Variants in EYS observed in about 807,000 individuals in gnomAD.
EYS encodes EGF-like photoreceptor maintenance factor.
Under a neutral mutation model 282.1 loss-of-function variants are expected in EYS, and 250 were observed. That is an observed-to-expected ratio of 0.89 (90% CI 0.80 to 0.98). The LOEUF (loss-of-function observed/expected upper bound fraction) is 0.98. Ranked by LOEUF, EYS falls within the 50% of genes least tolerant of loss-of-function variation. The pLI, the probability that EYS is intolerant of heterozygous loss-of-function variation, is 0.00. For synonymous variants in EYS, 1,355 were observed against 1,282.9 expected (o/e 1.06, Z -1.20); for missense variants, 4,016 against 3,709.0 (o/e 1.08, Z -2.15).
At chr6:65,585,580 A>C (rs2127363847) in intron 2 of EYS, among the ~76,000 whole-genome samples, 1 of 152,116 alleles carries the variant, frequency 6.6e-6, no homozygotes, top group South Asian at 2.1e-4. Flanking sequence ...TCAGTATATT[A>C]TTTCAATAAC....
chr6:64,820,903 G>A lies in EYS; in HGVS notation c.3243+742C>T, dbSNP rs770479606. Among the ~76,000 whole-genome samples, 5 of 151,954 alleles carry A rather than the reference G, an allele frequency of 3.3e-5. No individual in the cohort carries two copies. The South Asian group carries it at 6.2e-4, about 19-fold the overall frequency. The stretch of plus-strand genomic sequence containing the variant: ...ACTAGTATAGCTATGTTTTACTGAC[G>A]AGGGAGAGAGACACAAAGAATGTAA... On this transcript the variant is annotated intron_variant, in intron 21 of 42. Coordinates refer to ENST00000503581, the MANE Select transcript of EYS (RefSeq NM_001142800.2).
At chr6:65,516,221 C>T (rs1429774531) in intron 2 of EYS, among the ~76,000 whole-genome samples, 1 of 151,988 alleles carries the variant, frequency 6.6e-6, no homozygotes, top group African/African-American at 2.4e-5. Context: ...CAAATTAGTT[C>T]CCTGCCCATG....
intron 11 of EYS, among the ~76,000 whole-genome samples, chr6:65,328,679 A>T (rs1769691776): frequency 6.6e-6 from 1 of 151,078 alleles, no homozygotes; most frequent in African/African-American, 2.4e-5. Flanking sequence ...GAAAGTAAAA[A>T]GCAGAAGCCT....
chr6:64,994,274 A>G (rs1277382043), intron 14 of EYS, among the ~76,000 whole-genome samples: 1 of 152,114 alleles, frequency 6.6e-6, no homozygotes, highest in Admixed American at 6.6e-5. Context: ...AAACTGGCTC[A>G]TTGTTACAAA....
At chr6:65,526,084 CTT>C (rs1305106762) in intron 2 of EYS, among the ~76,000 whole-genome samples, 1 of 152,092 alleles carries the variant, frequency 6.6e-6, no homozygotes, top group East Asian at 1.9e-4. Context: ...CGTGTCCTAA[CTT>C]AGTGAAGGGT....
intron 39 of EYS, among the ~76,000 whole-genome samples, chr6:63,778,481 T>C (rs954811480): frequency 6.6e-5 from 10 of 152,226 alleles, no homozygotes; most frequent in African/African-American, 2.4e-4. Flanking sequence ...CTGTAGAAAA[T>C]ATAATATTAT....
intron 36 of EYS, among the ~76,000 whole-genome samples, chr6:63,854,407 A>G (rs1345396173): frequency 1.3e-5 from 2 of 152,204 alleles, no homozygotes; most frequent in Non-Finnish European, 2.9e-5. Context: ...TAACAATGAG[A>G]ACACATGGAC....
chr6:64,788,567 G>A (rs961768664), intron 22 of EYS, among the ~76,000 whole-genome samples: 1 of 152,172 alleles, frequency 6.6e-6, no homozygotes, highest in Non-Finnish European at 1.5e-5. Context: ...TGCTTGGAAT[G>A]GAGAGTATCC....
intron 26 of EYS, among the ~76,000 whole-genome samples, chr6:64,566,033 G>T (rs1765557973): frequency 6.6e-6 from 1 of 150,466 alleles, no homozygotes; most frequent in African/African-American, 2.4e-5. Context: ...CAAGAAATCT[G>T]GTTTCACAAA....
chr6:65,473,315 A>G (rs1334028071), intron 5 of EYS, among the ~76,000 whole-genome samples: 1 of 152,006 alleles, frequency 6.6e-6, no homozygotes, highest in African/African-American at 2.4e-5. Flanking sequence ...GGAAAGAGAA[A>G]TTGAACAAAA....
intron 12 of EYS, among the ~76,000 whole-genome samples, chr6:65,219,440 A>G (rs2150257954): frequency 6.6e-6 from 1 of 152,302 alleles, no homozygotes; most frequent in East Asian, 1.9e-4. Context: ...GCTTGTAAAG[A>G]TGCTGGAGTA....
intron 33 of EYS, among the ~76,000 whole-genome samples, chr6:64,006,643 T>C (rs1768361425): frequency 6.6e-6 from 1 of 152,178 alleles, no homozygotes; most frequent in Non-Finnish European, 1.5e-5. Flanking sequence ...ATGGCTCTTA[T>C]TATTTTGAAG....
At chr6:65,422,285 G>T (rs77102303) in intron 5 of EYS, among the ~76,000 whole-genome samples, 3 of 151,816 alleles carry the variant, frequency 2.0e-5, no homozygotes, top group Admixed American at 1.3e-4. Context: ...ATCTCAAGAA[G>T]TTATTGTAAC....
At chr6:63,878,463 C>A (rs1260584173) in intron 35 of EYS, among the ~76,000 whole-genome samples, 1 of 152,216 alleles carries the variant, frequency 6.6e-6, no homozygotes, top group Non-Finnish European at 1.5e-5. Flanking sequence ...ATTCTCAGAT[C>A]TCAAACTCCA....
intron 24 of EYS, 88 bp from the exon 25 acceptor site, chr6:64,593,397 A>G (rs1393135334): frequency 3.0e-6 from 3 of 991,852 alleles, no homozygotes; most frequent in East Asian, 5.4e-5. Flanking sequence ...ATCCATTTGC[A>G]TTTCCATAGA....
At chr6:64,584,983 C>T (rs1458811319) in intron 26 of EYS, among the ~76,000 whole-genome samples, 2 of 151,904 alleles carry the variant, frequency 1.3e-5, no homozygotes, top group African/African-American at 4.8e-5. Flanking sequence ...TGGATATATA[C>T]TCAAAATAAA....
chr6:65,368,821 T>C (rs1765017837), intron 8 of EYS, among the ~76,000 whole-genome samples: 1 of 151,528 alleles, frequency 6.6e-6, no homozygotes, highest in Admixed American at 6.7e-5. Flanking sequence ...CAGGATAAAC[T>C]ACTCAATTAA....
intron 15 of EYS, among the ~76,000 whole-genome samples, chr6:64,920,441 G>A (rs755293899): frequency 6.6e-6 from 1 of 152,090 alleles, no homozygotes; most frequent in Non-Finnish European, 1.5e-5. Flanking sequence ...GTGTGTGTGT[G>A]TAAGCGGAAA....
chr6:63,856,925 A>C (rs1772409003), intron 36 of EYS, among the ~76,000 whole-genome samples: 1 of 152,218 alleles, frequency 6.6e-6, no homozygotes, highest in Non-Finnish European at 1.5e-5. Context: ...TACACTTAAT[A>C]AAACATATTG....
Sources: allele counts gnomAD v4.1 joint callset (sites outside exome capture counted in the v4.1 genomes callset), GRCh38; gene constraint gnomAD v4.1.1; transcripts MANE v1.5; gene names NCBI Gene and HGNC (gene_info 2026-07-23, HGNC 2026-07-21).